The following CSNK1G2 variants were observed in gnomAD, a reference collection of about 807,000 sequenced individuals.
CSNK1G2 encodes casein kinase I isoform gamma-2.
A neutral mutation model predicts 48.0 loss-of-function variants in CSNK1G2; 11 were observed. The ratio of observed to expected loss-of-function variants is 0.23; its 90% CI spans 0.14 to 0.38. CSNK1G2 has a LOEUF of 0.38. CSNK1G2 is among the 10% of genes least tolerant of loss of function. The pLI, the probability that CSNK1G2 is intolerant of heterozygous loss-of-function variation, is 1.00. For missense variants in CSNK1G2, 446 were observed against 595.5 expected (o/e 0.75, Z 2.61); for synonymous variants, 337 against 254.1 (o/e 1.33, Z -3.10).
Position 1,978,763 on chromosome 19 carries a change from C to A in CSNK1G2, c.447+13C>A. On this transcript the variant is annotated intron_variant, in intron 5 of 11. Coordinates refer to ENST00000255641, the MANE Select transcript of CSNK1G2 (RefSeq NM_001319.7). The surrounding 1 kb of genome is among the most constrained non-coding windows in gnomAD (Gnocchi z 7.3). The stretch of plus-strand genomic sequence containing the variant: ...CGCCATCCAGCTGGTGCGCGGCGGG[C>A]GGGGCGGGGCGGGGCTCGGAGGGAA... 1 of 221,666 alleles carries A rather than the reference C, an allele frequency of 4.5e-6. No homozygotes were observed. Among genetic ancestry groups the A allele is most frequent in the South Asian group, 4.2e-5 (1 of 23,802 alleles). 13.7% of individuals were successfully genotyped at this position (221,666 alleles called of 1,614,324 possible).
intron 2 of CSNK1G2, among the ~76,000 whole-genome samples, chr19:1,970,669 A>G (rs56187939): frequency 0.38 from 57,206 of 151,986 alleles, 11,391 homozygotes; most frequent in East Asian, 0.52. Flanking sequence ...CAGGGAGCTG[A>G]ATCATCCCCG....
intron 2 of CSNK1G2, among the ~76,000 whole-genome samples, chr19:1,972,228 G>A (rs759687680): frequency 9.9e-5 from 15 of 152,214 alleles, no homozygotes; most frequent in Non-Finnish European, 7.3e-5. Context: ...TGCTCCCAGC[G>A]CAGGGACGCT....
At position 1,980,361 on chromosome 19, in the gene CSNK1G2, C is replaced by T; in HGVS notation, c.*158C>T. The T allele has an allele frequency of 1.2e-6, 1 of 864,864 alleles. No homozygotes were observed. The highest frequency in any genetic ancestry group is 1.9e-6 in the Non-Finnish European group (1 of 538,016). 53.6% of individuals were successfully genotyped at this position (864,864 alleles called of 1,614,324 possible). A position where few individuals can be genotyped will look rare whatever the true frequency, so the allele number is the denominator to read the frequency against. On this transcript the variant is annotated 3_prime_UTR_variant, in exon 12 of 12. Transcript: ENST00000255641. Reference sequence around the variant, plus strand: ...GGGCCGCGCCTGGCTCAGGCGGCCCCACCCCCGGGACGTGGGGTCACTTCC... The same window carrying T: ...GGGCCGCGCCTGGCTCAGGCGGCCCTACCCCCGGGACGTGGGGTCACTTCC...
Position 1,978,126 on chromosome 19 carries a change from G to A in CSNK1G2, c.188-179G>A, listed in dbSNP as rs1568204831. Among the ~76,000 whole-genome samples the A allele has an allele frequency of 6.6e-6, 1 of 152,090 alleles. No individual in the cohort carries two copies. Among genetic ancestry groups the A allele is most frequent in the African/African-American group, 2.4e-5 (1 of 41,418 alleles). On this transcript the variant is annotated intron_variant, in intron 2 of 11. Coordinates refer to ENST00000255641, the MANE Select transcript of CSNK1G2 (RefSeq NM_001319.7). This position sits in a 1 kb window ranked among gnomAD's most constrained non-coding sequence, Gnocchi z 7.3. ...CAGGGTGCAGGTGTCGGGATGACTT[G>A]GCAGGCCATGGTGCAGTGCTCTGGC... is the stretch of plus-strand genomic sequence containing the variant.
At chr19:1,949,547 T>G (rs755801053) in intron 1 of CSNK1G2, among the ~76,000 whole-genome samples, 1 of 152,216 alleles carries the variant, frequency 6.6e-6, no homozygotes, top group Non-Finnish European at 1.5e-5. Flanking sequence ...GTGATAGATG[T>G]TTGCATGGCA....
At chr19:1,966,527 G>A (rs1395242824) in intron 1 of CSNK1G2, among the ~76,000 whole-genome samples, 3 of 152,166 alleles carry the variant, frequency 2.0e-5, no homozygotes, top group African/African-American at 7.2e-5. Flanking sequence ...TGTGAACCTG[G>A]GGGTAATGAG....
At chr19:1,953,851 T>C (rs1247669821) in intron 1 of CSNK1G2, 1 of 532,962 alleles carries the variant, frequency 1.9e-6, no homozygotes, top group African/African-American at 1.9e-5. Flanking sequence ...ACCTGGACTC[T>C]TGCCTTTGCT....
At position 1,979,679 on chromosome 19, in the gene CSNK1G2, A is replaced by T. The variant is rs1568207577; in HGVS notation, c.1002+36A>T. The T allele has an allele frequency of 6.2e-6, 10 of 1,600,628 alleles. No homozygotes were observed. The Admixed American group carries it at 1.7e-4, about 27-fold the overall frequency. Reference sequence around the variant, plus strand: ...GGGTGCCGGTATGTGGGAGCGGGGGACCGGGAAACTGCCCTGAGGGAGATG... The same window carrying T: ...GGGTGCCGGTATGTGGGAGCGGGGGTCCGGGAAACTGCCCTGAGGGAGATG... On this transcript the variant is annotated intron_variant, in intron 9 of 11. Coordinates refer to ENST00000255641, the MANE Select transcript of CSNK1G2 (RefSeq NM_001319.7).
intron 1 of CSNK1G2, among the ~76,000 whole-genome samples, chr19:1,943,990 T>C (rs2014463076): frequency 6.6e-6 from 1 of 152,032 alleles, no homozygotes; most frequent in South Asian, 2.1e-4. Flanking sequence ...CAGGCCAGCA[T>C]GTGGGGCTGG....
chr19:1,953,150 G>GC, intron 1 of CSNK1G2: 1 of 369,474 alleles, frequency 2.7e-6, no homozygotes, highest in South Asian at 2.0e-5. Context: ...GGTCCCACTC[G>GC]CCCCCGGGAC....
At chr19:1,949,686 C>T (rs1023055380) in intron 1 of CSNK1G2, among the ~76,000 whole-genome samples, 3 of 152,254 alleles carry the variant, frequency 2.0e-5, no homozygotes, top group Admixed American at 6.5e-5. Flanking sequence ...TTTGAGGAGC[C>T]GCAGACGGCC....
At chr19:1,974,525 G>A (rs1410493677) in intron 2 of CSNK1G2, among the ~76,000 whole-genome samples, 1 of 152,182 alleles carries the variant, frequency 6.6e-6, no homozygotes, top group Non-Finnish European at 1.5e-5. Flanking sequence ...GTGGAGTGAC[G>A]TCTGTGCTGC....
chr19:1,970,741 T>C (rs1368137602), intron 2 of CSNK1G2, among the ~76,000 whole-genome samples: 1 of 152,210 alleles, frequency 6.6e-6, no homozygotes, highest in Non-Finnish European at 1.5e-5. Flanking sequence ...ATTTGGCGTC[T>C]GTTGCTGGGG....
At position 1,972,606 on chromosome 19, in the gene CSNK1G2, T is replaced by A. The variant is rs549708108; in HGVS notation, c.187+2647T>A. On this transcript the variant is annotated intron_variant, in intron 2 of 11. Transcript: ENST00000255641. ...TTATTTCATGAAACGTTTTTCCATC[T>A]CAGCTTTGCTTTGCTTTGTTTTGTT... 2.0e-5 allele frequency among the ~76,000 whole-genome samples: 3 copies of A among 152,228 alleles called. No individual in the cohort carries two copies. The South Asian group carries it at 6.2e-4, about 32-fold the overall frequency.
chr19:1,957,860 G>A lies in CSNK1G2; in HGVS notation c.-265-11648G>A, dbSNP rs1210264600. Among the ~76,000 whole-genome samples, 1 of 152,056 alleles carries A rather than the reference G, an allele frequency of 6.6e-6. No homozygotes were observed. Among genetic ancestry groups the A allele is most frequent in the Non-Finnish European group, 1.5e-5 (1 of 67,980 alleles). On this transcript the variant is annotated intron_variant, in intron 1 of 11. Coordinates refer to ENST00000255641, the MANE Select transcript of CSNK1G2 (RefSeq NM_001319.7). The surrounding 1 kb of genome is among the most constrained non-coding windows in gnomAD (Gnocchi z 5.4). The stretch of plus-strand genomic sequence containing the variant: ...GCTAGGCGGGCGCCGTTTATGTGGG[G>A]TGGGCGCTCGGCGGGCACTGTGTGT...
chr19:1,965,911 C>T (rs952693948), intron 1 of CSNK1G2, among the ~76,000 whole-genome samples: 2 of 152,192 alleles, frequency 1.3e-5, no homozygotes, highest in African/African-American at 4.8e-5. Flanking sequence ...ATCCTCTCAC[C>T]TCAGTCTCCT....
chr19:1,965,862 T>G (rs1273358043), intron 1 of CSNK1G2, among the ~76,000 whole-genome samples: 1 of 152,094 alleles, frequency 6.6e-6, no homozygotes, highest in Non-Finnish European at 1.5e-5. Flanking sequence ...AGAAGCAGAA[T>G]CACAGCTCAC....
At chr19:1,949,892 C>T (rs920775316) in intron 1 of CSNK1G2, among the ~76,000 whole-genome samples, 2 of 152,208 alleles carry the variant, frequency 1.3e-5, no homozygotes, top group East Asian at 1.9e-4. Flanking sequence ...TGCATGTGCC[C>T]GGTGTCCCCA....
At chr19:1,970,935 A>G (rs984748459) in intron 2 of CSNK1G2, among the ~76,000 whole-genome samples, 2 of 152,202 alleles carry the variant, frequency 1.3e-5, no homozygotes, top group Non-Finnish European at 2.9e-5. Flanking sequence ...TGAGGTTGTC[A>G]GATGAGGGAA....
Sources: gnomAD v4.1 joint callset for allele counts (sites outside exome capture counted in the v4.1 genomes callset) on GRCh38, gnomAD v4.1.1 for gene constraint, Gnocchi (gnomAD v3.1) non-coding constraint, MANE v1.5 for transcripts, NCBI Gene and HGNC (gene_info 2026-07-23, HGNC 2026-07-21) for gene names.